C1QTNF6: variants seen among roughly 807,000 people sequenced by gnomAD.
C1QTNF6 encodes complement C1q tumor necrosis factor-related protein 6.
Under a neutral mutation model 20.7 loss-of-function variants are expected in C1QTNF6, and 17 were observed. The ratio of observed to expected loss-of-function variants is 0.82; its 90% CI spans 0.56 to 1.23. C1QTNF6 has a LOEUF of 1.23. Ranked by LOEUF, C1QTNF6 falls within the 50% of genes most tolerant of loss-of-function variation. The probability of loss-of-function intolerance (pLI) is 0.00; values close to 1 mark genes in which losing one functional copy is unlikely to be tolerated. For synonymous variants in C1QTNF6, 130 were observed against 156.3 expected, an observed-to-expected ratio of 0.83 and a Z score of 1.25; for missense variants, 329 against 389.7, an observed-to-expected ratio of 0.84 and a Z score of 1.31.
intron 2 of C1QTNF6, among the ~76,000 whole-genome samples, chr22:37,193,931 T>G (rs547036998): frequency 6.6e-6 from 1 of 152,214 alleles, no homozygotes; most frequent in African/African-American, 2.4e-5. Flanking sequence ...GACAAAGCCT[T>G]AGCTACTGAG....
chr22:37,196,936 G>A (rs990749975), intron 1 of C1QTNF6: 1 of 152,252 alleles, frequency 6.6e-6, no homozygotes, highest in Non-Finnish European at 1.5e-5. Context: ...AGAAGAATAT[G>A]AAGCCTGGAA....
chr22:37,183,781 A>T (rs1924012410), intron 2 of C1QTNF6, among the ~76,000 whole-genome samples: 1 of 152,246 alleles, frequency 6.6e-6, no homozygotes, highest in Non-Finnish European at 1.5e-5. Context: ...GCACAGCTCT[A>T]GACCTTGTGC....
rs573817196 is a variant in C1QTNF6, at chr22:37,182,431, G to C, written c.594C>G (p.His198Gln). 1 of 1,614,278 alleles carries C rather than the reference G, an allele frequency of 6.2e-7. No individual in the cohort carries two copies. The highest frequency in any genetic ancestry group is 8.5e-7 in the Non-Finnish European group (1 of 1,180,052). Residue 198 changes from histidine to glutamine, a missense_variant, in exon 3 of 3, where the codon CAC (histidine) becomes CAG (glutamine). Transcript: ENST00000337843. Reference protein sequence around the residue: ...RGIYFFSLNVHSWNYKETYVH... With the variant: ...RGIYFFSLNVQSWNYKETYVH... ...CGTACGTCTCCTTGTAATTCCAGCT[G>C]TGCACATTGAGGCTGAAGAAGTAGA...
intron 1 of C1QTNF6, chr22:37,195,712 G>GA (rs1304934853): frequency 6.6e-6 from 1 of 152,240 alleles, no homozygotes; most frequent in Non-Finnish European, 1.5e-5. Context: ...CAAGAAAGGG[G>GA]AGATTTCCCC....
At chr22:37,193,511 G>C (rs1193867323) in intron 2 of C1QTNF6, among the ~76,000 whole-genome samples, 1 of 151,868 alleles carries the variant, frequency 6.6e-6, no homozygotes. Context: ...TAAGAGCCAA[G>C]AAGAGAAAAA....
chr22:37,186,258 A>C (rs747118694), intron 1 of C1QTNF6, among the ~76,000 whole-genome samples: 1 of 151,298 alleles, frequency 6.6e-6, no homozygotes, highest in Non-Finnish European at 1.5e-5. Flanking sequence ...ATTAGAAATG[A>C]TAAGAGTCCC....
At chr22:37,183,715 C>T (rs1189264780) in intron 2 of C1QTNF6, among the ~76,000 whole-genome samples, 1 of 152,236 alleles carries the variant, frequency 6.6e-6, no homozygotes, top group Non-Finnish European at 1.5e-5. Flanking sequence ...AGGGCAAGGC[C>T]ACAGCTCTGC....
upstream of C1QTNF6, among the ~76,000 whole-genome samples, chr22:37,188,846 G>C (rs1464446644): frequency 6.6e-6 from 1 of 152,264 alleles, no homozygotes; most frequent in Admixed American, 6.5e-5. Context: ...AGTGTTACCA[G>C]AGAGGGGTAC....
intron 2 of C1QTNF6, among the ~76,000 whole-genome samples, 174 bp downstream of exon 2, chr22:37,185,044 C>T (rs1299200254): frequency 6.6e-6 from 1 of 152,000 alleles, no homozygotes; most frequent in Non-Finnish European, 1.5e-5. Flanking sequence ...GCATCTTGGT[C>T]TGGTTTGTTC....
In C1QTNF6 at chr22:37,184,575, G is replaced by GCCCTCACCT; in HGVS notation, c.289+642_289+643insAGGTGAGGG. The GCCCTCACCT allele has an allele frequency of 3.0e-6, 2 of 662,174 alleles. No individual in the cohort carries two copies. The highest frequency in any genetic ancestry group is 5.6e-6 in the Non-Finnish European group (2 of 359,692). 41.0% of individuals were successfully genotyped at this position (662,174 alleles called of 1,614,324 possible). A position where few individuals can be genotyped will look rare whatever the true frequency, so the allele number is the denominator to read the frequency against. ...GGCCCTCACCTGGACAGGCCCCACAGGGCTGCATGCTCCGACCCTCGGCCC... is the reference window on the plus strand; with the variant it reads ...GGCCCTCACCTGGACAGGCCCCACAGCCCTCACCTGGCTGCATGCTCCGACCCTCGGCCC... On this transcript the variant is annotated intron_variant, in intron 2 of 2. Transcript: ENST00000337843. This position sits in a 1 kb window ranked among gnomAD's most constrained non-coding sequence, Gnocchi z 4.0.
chr22:37,188,076 G>A (rs1478097505), intron 1 of C1QTNF6, 87 bp downstream of exon 1: 26 of 1,390,634 alleles, frequency 1.9e-5, no homozygotes, highest in South Asian at 2.6e-5. Flanking sequence ...AGCAGGGCCC[G>A]AGATGCTTCC....
At chr22:37,188,054 T>A in intron 1 of C1QTNF6, 109 bp downstream of exon 1, 1 of 1,178,900 alleles carries the variant, frequency 8.5e-7, no homozygotes, top group African/African-American at 1.6e-5. Context: ...GCTGTCCCAG[T>A]CAGAGGGAGA....
intron 1 of C1QTNF6, chr22:37,185,787 C>G (rs1399309983): frequency 7.8e-6 from 8 of 1,024,354 alleles, no homozygotes; most frequent in Non-Finnish European, 9.3e-6. Context: ...TCCCAGGAAG[C>G]TTTGCTGGGG....
upstream of C1QTNF6, among the ~76,000 whole-genome samples, chr22:37,190,088 G>A (rs1924711713): frequency 6.6e-6 from 1 of 152,180 alleles, no homozygotes; most frequent in African/African-American, 2.4e-5. Context: ...AAAGAAGCAA[G>A]GTCAGTCTAA....
At chr22:37,191,283 T>G (rs1924805147), upstream of C1QTNF6, among the ~76,000 whole-genome samples, 1 of 152,190 alleles carries the variant, frequency 6.6e-6, no homozygotes, top group East Asian at 1.9e-4. Flanking sequence ...ATTATAATTA[T>G]TATTGATAAT....
At chr22:37,198,516 A>G (rs1925286109), upstream of C1QTNF6, among the ~76,000 whole-genome samples, 1 of 152,132 alleles carries the variant, frequency 6.6e-6, no homozygotes, top group African/African-American at 2.4e-5. Flanking sequence ...GCCTGTCAAA[A>G]AGGGAGACAG....
upstream of C1QTNF6, among the ~76,000 whole-genome samples, chr22:37,198,912 C>T (rs1327356976): frequency 1.3e-5 from 2 of 152,236 alleles, no homozygotes; most frequent in African/African-American, 4.8e-5. Context: ...TTTCGCTCTC[C>T]GGAACCAGGT....
upstream of C1QTNF6, among the ~76,000 whole-genome samples, chr22:37,192,366 G>A (rs1924873460): frequency 6.6e-6 from 1 of 152,204 alleles, no homozygotes. Context: ...TATTCCAGGT[G>A]TGGAGCCTAG....
In C1QTNF6 at chr22:37,185,305, G is replaced by T; in HGVS notation, c.202C>A (p.Pro68Thr). Residue 68 changes from proline to threonine, a missense_variant, in exon 2 of 3, where the codon CCT becomes ACT. By Grantham distance (38) the Pro-to-Thr change is conservative. Coordinates refer to ENST00000337843, the MANE Select transcript of C1QTNF6 (RefSeq NM_031910.4). The stretch of plus-strand genomic sequence containing the variant: ...GAAGAGGCTGAGGATACATGGGCAG[G>T]ATCCAGGGGGTCCTCAGAGTCACAG... ...RCCDSEDPLD[P>T]AHVSSASSSG... 6.2e-7 allele frequency: 1 copy of T among 1,613,402 alleles called. No homozygotes were observed. Among genetic ancestry groups the T allele is most frequent in the Non-Finnish European group, 8.5e-7 (1 of 1,179,728 alleles).
Sources: gnomAD v4.1 joint callset for allele counts (sites outside exome capture counted in the v4.1 genomes callset) on GRCh38, gnomAD v4.1.1 for gene constraint, Gnocchi (gnomAD v3.1) non-coding constraint, MANE v1.5 for transcripts, NCBI Gene and HGNC (gene_info 2026-07-23, HGNC 2026-07-21) for gene names.